Variants in CAMK2A observed in about 807,000 individuals in gnomAD.
CAMK2A encodes calcium/calmodulin-dependent protein kinase type II subunit alpha.
A neutral mutation model predicts 79.2 loss-of-function variants in CAMK2A; 7 were observed. The observed-to-expected ratio is 0.09, with a 90% CI of 0.05 to 0.17. The LOEUF (loss-of-function observed/expected upper bound fraction) is 0.17, where lower values mean the gene tolerates loss of function less well. Among genes scored for constraint, CAMK2A ranks in the 10% least tolerant of loss-of-function variants. The pLI is 1.00. For missense variants in CAMK2A, 214 were observed against 646.4 expected, an observed-to-expected ratio of 0.33 and a Z score of 7.25; for synonymous variants, 242 against 251.7, an observed-to-expected ratio of 0.96 and a Z score of 0.36.
chr5:150,248,314 C>A (rs994009439), intron 11 of CAMK2A, among the ~76,000 whole-genome samples: 1 of 133,178 alleles, frequency 7.5e-6, no homozygotes, highest in African/African-American at 3.2e-5. Context: ...TTTTTTATTT[C>A]CAAGTTTTTT....
At position 150,231,404 on chromosome 5, in the gene CAMK2A, AAATAATAATAATAAT is replaced by A. The variant is rs35699794; in HGVS notation, c.1067-39_1067-25del. On this transcript the variant is annotated intron_variant, in intron 15 of 18. Coordinates refer to ENST00000671881, the MANE Select transcript of CAMK2A (RefSeq NM_015981.4). ...CACTGTAAGGCAGAAGGGGACACAG[AAATAATAATAATAAT>A]AATAATAATAATAATAATAATAATA... 78 of 493,302 alleles carry A rather than the reference AAATAATAATAATAAT, an allele frequency of 1.6e-4. 2 individuals carry two copies. The highest frequency in any genetic ancestry group is 2.3e-4 in the East Asian group (6 of 26,064). 30.6% of individuals were successfully genotyped at this position (493,302 alleles called of 1,614,324 possible).
At chr5:150,274,972 G>A (rs544902494) in intron 1 of CAMK2A, among the ~76,000 whole-genome samples, 38 of 152,360 alleles carry the variant, frequency 2.5e-4, no homozygotes, top group South Asian at 2.5e-3. Context: ...GGCAGGCACC[G>A]AAGAAGCCTG....
intron 13 of CAMK2A, among the ~76,000 whole-genome samples, chr5:150,243,914 A>G (rs1436786414): frequency 6.6e-6 from 1 of 152,098 alleles, no homozygotes; most frequent in East Asian, 1.9e-4. Flanking sequence ...GCCCAGAACC[A>G]TTTAACCTGG....
At chr5:150,247,674 A>C in intron 12 of CAMK2A, 98 bp downstream of exon 12, 1 of 939,258 alleles carries the variant, frequency 1.1e-6, no homozygotes, top group African/African-American at 1.6e-5. Flanking sequence ...CCCTCTCCCC[A>C]GGCCCAGTGG....
intron 3 of CAMK2A, among the ~76,000 whole-genome samples, chr5:150,262,042 C>T (rs1756325768): frequency 6.6e-6 from 1 of 152,218 alleles, no homozygotes; most frequent in Admixed American, 6.5e-5. Flanking sequence ...TGGCGTCTCC[C>T]TCATCTGCAG....
chr5:150,273,204 G>T (rs12521752), intron 1 of CAMK2A, 45 bp from the exon 2 acceptor site: 3 of 1,430,626 alleles, frequency 2.1e-6, no homozygotes, highest in Non-Finnish European at 3.0e-6. Context: ...ATGCCTGAGG[G>T]CTGTGTCCCT....
chr5:150,223,075 C>T lies in CAMK2A; in HGVS notation c.1380G>A (p.Ser460=), dbSNP rs371342042. The change falls in exon 18 of 19, where the codon TCG becomes TCA. Residue 460 remains serine (S), a synonymous_variant. Coordinates refer to ENST00000671881, the MANE Select transcript of CAMK2A (RefSeq NM_015981.4). The surrounding 1 kb of genome is among the most constrained non-coding windows in gnomAD (Gnocchi z 4.1). ...DAGGIPRTAQ[S]EETRVWHRRD... The stretch of plus-strand genomic sequence containing the variant: ...GGCGGTGCCAGACACGGGTCTCCTC[C>T]GACTGGGCGGTGCGTGGGATGCCGC... 4.8e-5 allele frequency: 78 copies of T among 1,614,080 alleles called. No homozygotes were observed. Among genetic ancestry groups the T allele is most frequent in the African/African-American group, 9.3e-5 (7 of 74,950 alleles).
At chr5:150,269,372 G>A (rs1756642290) in intron 2 of CAMK2A, among the ~76,000 whole-genome samples, 1 of 152,056 alleles carries the variant, frequency 6.6e-6, no homozygotes, top group South Asian at 2.1e-4. Context: ...GACAGGACAG[G>A]GCAGGCCTGG....
At chr5:150,287,485 C>A (rs893960194) in intron 1 of CAMK2A, among the ~76,000 whole-genome samples, 3 of 152,204 alleles carry the variant, frequency 2.0e-5, no homozygotes, top group Admixed American at 2.0e-4. Flanking sequence ...GGCTCCCTTG[C>A]CCCTGAAATT....
chr5:150,266,574 C>T (rs1256692758), intron 2 of CAMK2A, among the ~76,000 whole-genome samples: 2 of 152,106 alleles, frequency 1.3e-5, no homozygotes, highest in Admixed American at 1.3e-4. Context: ...TTCTGGCTGT[C>T]CAGAAGAGGA....
At chr5:150,225,044 G>GAA (rs1252275002) in intron 17 of CAMK2A, among the ~76,000 whole-genome samples, 2 of 117,540 alleles carry the variant, frequency 1.7e-5, no homozygotes, top group Non-Finnish European at 3.1e-5. Flanking sequence ...TAGGTAGGGA[G>GAA]AGAGAGAGAG....
At chr5:150,264,745 G>A (rs1034606414) in intron 3 of CAMK2A, among the ~76,000 whole-genome samples, 2 of 152,158 alleles carry the variant, frequency 1.3e-5, no homozygotes, top group African/African-American at 4.8e-5. Context: ...TGTGGGATGG[G>A]AGGAAGGGCC....
intron 13 of CAMK2A, among the ~76,000 whole-genome samples, chr5:150,242,919 A>G (rs1755414383): frequency 6.6e-6 from 1 of 152,124 alleles, no homozygotes; most frequent in Admixed American, 6.5e-5. Flanking sequence ...ATGAGCTACA[A>G]AGAGATGGTT....
At chr5:150,253,578 G>T in intron 6 of CAMK2A, 32 bp from the exon 7 acceptor site, 1 of 1,562,090 alleles carries the variant, frequency 6.4e-7, no homozygotes, top group Non-Finnish European at 8.8e-7. Context: ...GGAGGAAGGG[G>T]AGGAAAGCGC....
intron 2 of CAMK2A, among the ~76,000 whole-genome samples, chr5:150,267,847 C>A (rs1048342580): frequency 6.6e-6 from 1 of 151,544 alleles, no homozygotes; most frequent in Admixed American, 6.6e-5. Context: ...CTGCATCTTC[C>A]CCCCACTCCT....
intron 17 of CAMK2A, among the ~76,000 whole-genome samples, chr5:150,227,978 C>A (rs576085109): frequency 6.6e-6 from 1 of 152,284 alleles, no homozygotes; most frequent in Non-Finnish European, 1.5e-5. Context: ...ACCTCGCCTG[C>A]CCCATCTTCA....
chr5:150,264,227 C>T (rs1019466143), intron 3 of CAMK2A, among the ~76,000 whole-genome samples: 1 of 152,216 alleles, frequency 6.6e-6, no homozygotes, highest in Non-Finnish European at 1.5e-5. Context: ...GATGCTGGTT[C>T]AGACAGACCT....
chr5:150,228,321 G>A (rs1486920614), intron 16 of CAMK2A, 35 bp from the exon 17 acceptor site: 3 of 1,524,148 alleles, frequency 2.0e-6, no homozygotes, highest in African/African-American at 2.8e-5. Flanking sequence ...GAGGGACTGG[G>A]GCGGCTTCTC....
In CAMK2A at chr5:150,239,722, A is replaced by G. The variant is rs1313226100; in HGVS notation, c.999T>C (p.Ser333=). 3 of 1,613,960 alleles carry G rather than the reference A, an allele frequency of 1.9e-6. No individual in the cohort carries two copies. Among genetic ancestry groups the G allele is most frequent in the African/African-American group, 2.7e-5 (2 of 74,928 alleles). Residue 333 remains serine (S), a synonymous_variant, in exon 14 of 19, where the codon AGT becomes AGC. Transcript: ENST00000671881. ...KSDGVKKRKS[S]SSVQLMESSE... ...CACTCACCATTAACTGAACGCTGGA[A>G]CTGGACTTTCTTTTCTGGAAAAACA...
Sources: gnomAD v4.1 joint callset for allele counts (sites outside exome capture counted in the v4.1 genomes callset) on GRCh38, gnomAD v4.1.1 for gene constraint, Gnocchi (gnomAD v3.1) non-coding constraint, MANE v1.5 for transcripts, NCBI Gene and HGNC (gene_info 2026-07-23, HGNC 2026-07-21) for gene names.